DST: variants seen among roughly 807,000 people sequenced by gnomAD.
The protein encoded by DST is bullous pemphigoid antigen.
In DST, 253 loss-of-function variants were observed where a neutral mutation model predicts 875.2. The ratio of observed to expected loss-of-function variants is 0.29; its 90% CI spans 0.26 to 0.32. DST has a LOEUF of 0.32. Among genes scored for constraint, DST ranks in the 10% least tolerant of loss-of-function variants. The pLI, the probability that DST is intolerant of heterozygous loss-of-function variation, is 1.00. For missense variants in DST, 8,287 were observed against 9,111.6 expected (o/e 0.91, Z 3.68); for synonymous variants, 3,124 against 3,197.1 (o/e 0.98, Z 0.77).
Position 56,605,432 on chromosome 6 carries a change from CTAGACCTTCTA to C in DST, c.9185_9195del (p.Val3062GlyfsTer6). ...TTGAGATGCCTATTTTCTTCTTCTA[CTAGACCTTCTA>C]CAAGCACTTCTCCTTCACCCAAGTA... On this transcript the variant is annotated frameshift_variant, in exon 40 of 104. Coordinates refer to ENST00000680361, the MANE Select transcript of DST (RefSeq NM_001374736.1). LOFTEE classifies it high-confidence loss of function. 1.2e-6 allele frequency: 2 copies of C among 1,612,868 alleles called. No individual in the cohort carries two copies. Among genetic ancestry groups the C allele is most frequent in the African/African-American group, 2.7e-5 (2 of 74,988 alleles).
Position 56,506,748 on chromosome 6 carries a change from A to T in DST, c.19281T>A (p.Asp6427Glu), listed in dbSNP as rs1201987209. ...EEIDGLQEEL[D>E]IVINLGSELI... Reference sequence around the variant, plus strand: ...GTTCAGAACCTAGGTTAATAACTATATCCAGCTCCTCCTGTAGTCCATCTA... The same window carrying T: ...GTTCAGAACCTAGGTTAATAACTATTTCCAGCTCCTCCTGTAGTCCATCTA... Residue 6427 changes from aspartate to glutamate, a missense_variant, in exon 76 of 104, where the codon GAT (aspartate) becomes GAA (glutamate). Asp to Glu is a conservative substitution (Grantham distance 45). This residue lies in a region of DST where 1,292 missense variants were observed against 1,552.7 expected (regional missense o/e 0.83). Coordinates refer to ENST00000680361, the MANE Select transcript of DST (RefSeq NM_001374736.1). The T allele has an allele frequency of 6.2e-7, 1 of 1,613,536 alleles. No individual in the cohort carries two copies. The highest frequency in any genetic ancestry group is 1.1e-5 in the South Asian group (1 of 91,052).
intron 4 of DST, among the ~76,000 whole-genome samples, chr6:56,752,783 GT>G (rs1318898932): frequency 6.6e-6 from 1 of 151,948 alleles, no homozygotes; most frequent in Non-Finnish European, 1.5e-5. Flanking sequence ...ACAAGATTGA[GT>G]TTTTTTGTTT....
At chr6:56,775,871 C>T (rs536839547) in intron 4 of DST, among the ~76,000 whole-genome samples, 5 of 152,136 alleles carry the variant, frequency 3.3e-5, no homozygotes, top group Admixed American at 3.3e-4. Context: ...AAAGAAGTTT[C>T]CTTCACACAA....
chr6:56,716,995 C>A (rs1589116689), intron 5 of DST, among the ~76,000 whole-genome samples: 1 of 152,186 alleles, frequency 6.6e-6, no homozygotes, highest in East Asian at 1.9e-4. Flanking sequence ...TCCTGGCTAA[C>A]ACGGTGAAAC....
chr6:56,462,275 C>T (rs924250794), intron 102 of DST, among the ~76,000 whole-genome samples: 1 of 152,130 alleles, frequency 6.6e-6, no homozygotes, highest in African/African-American at 2.4e-5. Flanking sequence ...AAAAGATATA[C>T]AGCTGATTTT....
At chr6:56,881,779 TA>T (rs556365701) in intron 3 of DST, among the ~76,000 whole-genome samples, 58 of 147,682 alleles carry the variant, frequency 3.9e-4, no homozygotes, top group Non-Finnish European at 6.2e-4. Flanking sequence ...TCTTTATTGG[TA>T]AAAAAAAAAA....
At chr6:56,533,492 T>C (rs921419128) in intron 63 of DST, among the ~76,000 whole-genome samples, 1 of 152,212 alleles carries the variant, frequency 6.6e-6, no homozygotes, top group African/African-American at 2.4e-5. Flanking sequence ...GAGGAACTTG[T>C]TTAAAGAGAA....
At chr6:56,474,398 C>T (rs544711298) in intron 92 of DST, 136 of 160,628 alleles carry the variant, frequency 8.5e-4, no homozygotes, top group African/African-American at 3.1e-3. Context: ...GCAGGAGAAT[C>T]GCTTGAACCT....
chr6:56,492,461 G>C, intron 84 of DST, 28 bp from the exon 85 acceptor site: 1 of 1,583,148 alleles, frequency 6.3e-7, no homozygotes, highest in Non-Finnish European at 8.6e-7. Flanking sequence ...GAAATAAGTA[G>C]AAACAAATGA....
In DST at chr6:56,617,402, T is replaced by C. The variant is rs747354425; in HGVS notation, c.4930-2918A>G. 3 of 1,613,096 alleles carry C rather than the reference T, an allele frequency of 1.9e-6. No individual in the cohort carries two copies. In the Admixed American group the frequency reaches 5.0e-5, roughly 27 times the overall value. ...TGTGACTTCTGTATGCATATCATAC[T>C]GCTTGTTCTTAGCTATCTGTAACAG... On this transcript the variant is annotated intron_variant, in intron 36 of 103. Transcript: ENST00000680361.
At chr6:56,494,760 G>C (rs2095855265) in intron 82 of DST, among the ~76,000 whole-genome samples, 1 of 151,996 alleles carries the variant, frequency 6.6e-6, no homozygotes, top group South Asian at 2.1e-4. Context: ...CTTCTAACTA[G>C]AATGTTGTAT....
intron 5 of DST, among the ~76,000 whole-genome samples, chr6:56,732,536 A>G (rs929514773): frequency 6.6e-6 from 1 of 152,212 alleles, no homozygotes; most frequent in African/African-American, 2.4e-5. Flanking sequence ...CGAAGAGCAA[A>G]AAAATCCTCA....
Position 56,901,018 on chromosome 6 carries a change from G to A in DST, c.217-397C>T, listed in dbSNP as rs75189769. ...GGACAGGATATCATTCCAGGGTAAA[G>A]TGCCACTTTACATTCCTGAGAGAGA... On this transcript the variant is annotated intron_variant, in intron 2 of 103. Transcript: ENST00000680361. Among the ~76,000 whole-genome samples, 175 of 152,160 alleles carry A rather than the reference G, an allele frequency of 1.2e-3. 1 individual carries two copies. In the East Asian group the frequency reaches 0.015, roughly 13 times the overall value.
At chr6:56,464,788 T>A (rs753754849) in intron 99 of DST, 32 bp from the exon 100 acceptor site, 3 of 1,482,676 alleles carry the variant, frequency 2.0e-6, no homozygotes, top group Non-Finnish European at 2.8e-6. Context: ...ACCAATCACA[T>A]TAAAGAATAC....
At chr6:56,929,564 T>G (rs528672065) in intron 2 of DST, among the ~76,000 whole-genome samples, 4 of 152,094 alleles carry the variant, frequency 2.6e-5, no homozygotes, top group Non-Finnish European at 2.9e-5. Flanking sequence ...AGTCATTACT[T>G]AGATTTCCTC....
At chr6:56,826,816 A>G (rs1054790545) in intron 4 of DST, among the ~76,000 whole-genome samples, 3 of 152,188 alleles carry the variant, frequency 2.0e-5, no homozygotes, top group African/African-American at 7.2e-5. Context: ...ACCCACAGGA[A>G]AGATTCTGAA....
intron 3 of DST, among the ~76,000 whole-genome samples, chr6:56,859,501 C>CA (rs1365390644): frequency 6.6e-6 from 1 of 151,924 alleles, no homozygotes; most frequent in East Asian, 1.9e-4. Context: ...TCTTTCCAAC[C>CA]AAAGGAAGAA....
chr6:56,490,668 T>C (rs1158621348), intron 85 of DST, among the ~76,000 whole-genome samples: 1 of 152,102 alleles, frequency 6.6e-6, no homozygotes, highest in Non-Finnish European at 1.5e-5. Context: ...GTATGATCAA[T>C]ATCTGAGCCA....
At chr6:56,689,719 G>A (rs2152856425) in intron 9 of DST, among the ~76,000 whole-genome samples, 1 of 152,212 alleles carries the variant, frequency 6.6e-6, no homozygotes, top group South Asian at 2.1e-4. Flanking sequence ...ATAACTGTAG[G>A]TGACATCCAG....
Sources: gnomAD v4.1 joint callset for allele counts (sites outside exome capture counted in the v4.1 genomes callset) on GRCh38, gnomAD v4.1.1 for gene constraint, gnomAD v4.1.1 regional missense constraint, MANE v1.5 for transcripts, NCBI Gene and HGNC (gene_info 2026-07-23, HGNC 2026-07-21) for gene names.